The following PLEKHA7 variants were observed in gnomAD, a reference collection of about 807,000 sequenced individuals.
The protein encoded by PLEKHA7 is pleckstrin homology domain-containing family A member 7.
PLEKHA7 carries 104 observed loss-of-function variants against 170.0 expected under a neutral mutation model. The observed-to-expected ratio is 0.61, with a 90% CI of 0.52 to 0.72. The LOEUF (loss-of-function observed/expected upper bound fraction) is 0.72, where lower values mean the gene tolerates loss of function less well. PLEKHA7 is among the 30% of genes least tolerant of loss of function. The pLI is 0.00. For synonymous variants in PLEKHA7, 648 were observed against 660.8 expected, an observed-to-expected ratio of 0.98 and a Z score of 0.30; for missense variants, 1,615 against 1,671.7, an observed-to-expected ratio of 0.97 and a Z score of 0.59.
chr11:16,928,122 A>G (rs1217632910), intron 3 of PLEKHA7, among the ~76,000 whole-genome samples: 1 of 152,168 alleles, frequency 6.6e-6, no homozygotes, highest in Non-Finnish European at 1.5e-5. Context: ...AAGTAAATTT[A>G]TCAACCCATA....
At chr11:16,814,903 A>G (rs528205592) in intron 12 of PLEKHA7, among the ~76,000 whole-genome samples, 3 of 152,202 alleles carry the variant, frequency 2.0e-5, no homozygotes, top group African/African-American at 7.2e-5. Flanking sequence ...CCCTTTGAAC[A>G]TGACCATACA....
intron 3 of PLEKHA7, among the ~76,000 whole-genome samples, chr11:16,908,786 G>A (rs1325756773): frequency 3.9e-5 from 6 of 152,120 alleles, no homozygotes; most frequent in African/African-American, 1.4e-4. Context: ...ATGAGCCACC[G>A]CGCCCAGCCA....
chr11:16,990,308 T>G (rs1214379659), intron 3 of PLEKHA7, among the ~76,000 whole-genome samples: 2 of 68,012 alleles, frequency 2.9e-5, no homozygotes, highest in African/African-American at 6.6e-5. Flanking sequence ...AACTTCTCCC[T>G]GTTCCCAGGT....
chr11:16,785,653 TTAC>T (rs1849346210), intron 24 of PLEKHA7, among the ~76,000 whole-genome samples: 1 of 151,880 alleles, frequency 6.6e-6, no homozygotes, highest in Non-Finnish European at 1.5e-5. Context: ...GATCCAGGAG[TTAC>T]TTGCTCTCCT....
At chr11:16,963,308 TGTACC>T (rs1862180648) in intron 3 of PLEKHA7, among the ~76,000 whole-genome samples, 1 of 152,220 alleles carries the variant, frequency 6.6e-6, no homozygotes, top group African/African-American at 2.4e-5. Flanking sequence ...GCAGGCTCCT[TGTACC>T]TTGCTTAATT....
Position 16,789,636 on chromosome 11 carries a change from C to T in PLEKHA7, c.3156+139G>A. The T allele has an allele frequency of 1.4e-6, 1 of 698,414 alleles. No individual in the cohort carries two copies. Among genetic ancestry groups the T allele is most frequent in the Admixed American group, 2.8e-5 (1 of 35,390 alleles). The allele number at this position is 698,414 out of a possible 1,614,324, so 43.3% of individuals were successfully genotyped here. Reference sequence around the variant, plus strand: ...GCCCTCCTTGGTGGACAGTGGGTGACAGGGAGCTCAGGAGGGGCTGAGGCC... The same window carrying T: ...GCCCTCCTTGGTGGACAGTGGGTGATAGGGAGCTCAGGAGGGGCTGAGGCC... On this transcript the variant is annotated intron_variant, in intron 22 of 26. Coordinates refer to ENST00000531066, the MANE Select transcript of PLEKHA7 (RefSeq NM_001329630.2). The surrounding 1 kb of genome is among the most constrained non-coding windows in gnomAD (Gnocchi z 4.6).
intron 3 of PLEKHA7, among the ~76,000 whole-genome samples, chr11:17,011,533 C>T (rs980867174): frequency 6.6e-6 from 1 of 152,198 alleles, no homozygotes; most frequent in Non-Finnish European, 1.5e-5. Context: ...TATCTTCCAC[C>T]TACTCCAGTC....
intron 3 of PLEKHA7, among the ~76,000 whole-genome samples, chr11:17,004,690 GC>G (rs1864880332): frequency 6.6e-6 from 1 of 152,000 alleles, no homozygotes; most frequent in Non-Finnish European, 1.5e-5. Context: ...ACCATGCCCA[GC>G]CCAGTATACA....
chr11:16,844,504 G>T (rs1430427368), intron 8 of PLEKHA7, among the ~76,000 whole-genome samples: 1 of 152,194 alleles, frequency 6.6e-6, no homozygotes, highest in Non-Finnish European at 1.5e-5. Flanking sequence ...CTGAGCCTAG[G>T]ACCTAGATGA....
chr11:16,894,925 A>C (rs1054068096), intron 3 of PLEKHA7, among the ~76,000 whole-genome samples: 5 of 152,088 alleles, frequency 3.3e-5, no homozygotes, highest in African/African-American at 1.2e-4. Context: ...CTCATATCGT[A>C]TTACCATCCT....
chr11:16,884,657 A>C (rs200763044), intron 3 of PLEKHA7, among the ~76,000 whole-genome samples: 1 of 115,544 alleles, frequency 8.7e-6, no homozygotes, highest in African/African-American at 3.0e-5. Flanking sequence ...AAAAGAAAAG[A>C]AAAAGAAAAA....
chr11:16,779,534 G>T (rs1383763507), intron 26 of PLEKHA7, among the ~76,000 whole-genome samples: 1 of 152,222 alleles, frequency 6.6e-6, no homozygotes, highest in Non-Finnish European at 1.5e-5. Flanking sequence ...ACTGTGCTCA[G>T]ATCTCTAGGA....
At chr11:16,894,136 C>T (rs930164120) in intron 3 of PLEKHA7, among the ~76,000 whole-genome samples, 11 of 152,182 alleles carry the variant, frequency 7.2e-5, no homozygotes, top group Admixed American at 3.3e-4. Context: ...TGTGAGACTT[C>T]GTTCCTCCCC....
In PLEKHA7 at chr11:16,857,111, C is replaced by A. The variant is rs145420065; in HGVS notation, c.306-1197G>T. 2.7e-3 allele frequency among the ~76,000 whole-genome samples: 407 copies of A among 152,340 alleles called. 3 individuals carry two copies. The highest frequency in any genetic ancestry group is 0.013 in the South Asian group (63 of 4,826). ...TTCCACCATGGAAATATACTGTTTT[C>A]TTCGAAGACCCTGCTGCTCAAAAGA... On this transcript the variant is annotated intron_variant, in intron 4 of 26. Transcript: ENST00000531066.
intron 26 of PLEKHA7, among the ~76,000 whole-genome samples, chr11:16,782,132 C>G (rs150450137): frequency 6.7e-6 from 1 of 150,312 alleles, no homozygotes; most frequent in Non-Finnish European, 1.5e-5. Flanking sequence ...CACATACACA[C>G]ACACATAGAC....
intron 3 of PLEKHA7, among the ~76,000 whole-genome samples, chr11:16,886,522 C>T (rs1856116549): frequency 6.6e-6 from 1 of 152,096 alleles, no homozygotes; most frequent in South Asian, 2.1e-4. Context: ...ACCAGCCTGG[C>T]CAACATGGTG....
At chr11:16,997,509 A>T (rs1451791048) in intron 3 of PLEKHA7, among the ~76,000 whole-genome samples, 1 of 152,132 alleles carries the variant, frequency 6.6e-6, no homozygotes, top group Non-Finnish European at 1.5e-5. Context: ...CAGACCCCAG[A>T]AACAGGAGGG....
At chr11:16,855,102 G>T in intron 5 of PLEKHA7, 109 bp from the exon 6 acceptor site, 1 of 834,530 alleles carries the variant, frequency 1.2e-6, no homozygotes, top group Non-Finnish European at 2.0e-6. Flanking sequence ...CTAAATGGCA[G>T]CACCCTTTGA....
intron 3 of PLEKHA7, among the ~76,000 whole-genome samples, chr11:16,974,009 A>G (rs1297626206): frequency 6.6e-6 from 1 of 152,254 alleles, no homozygotes; most frequent in African/African-American, 2.4e-5. Context: ...CATACCTTTT[A>G]CAGTGTCAAT....
Sources: allele counts gnomAD v4.1 joint callset (sites outside exome capture counted in the v4.1 genomes callset), GRCh38; gene constraint gnomAD v4.1.1; non-coding constraint Gnocchi (gnomAD v3.1); transcripts MANE v1.5; gene names NCBI Gene and HGNC (gene_info 2026-07-23, HGNC 2026-07-21).